NTM: variants seen among roughly 807,000 people sequenced by gnomAD.
NTM encodes neurotrimin.
NTM carries 13 observed loss-of-function variants against 42.1 expected under a neutral mutation model. The observed-to-expected ratio is 0.31, with a 90% CI of 0.20 to 0.49. The LOEUF is 0.49. Ranked by LOEUF, NTM falls within the 20% of genes least tolerant of loss-of-function variation. The pLI is 0.99. For missense variants in NTM, 373 were observed against 452.8 expected (o/e 0.82, Z 1.60); for synonymous variants, 187 against 179.2 (o/e 1.04, Z -0.35).
At chr11:131,601,706 T>A (rs1264828463) in intron 1 of NTM, among the ~76,000 whole-genome samples, 3 of 152,176 alleles carry the variant, frequency 2.0e-5, no homozygotes, top group African/African-American at 7.2e-5. Flanking sequence ...TGACTACAAG[T>A]TTCTCAAATT....
chr11:132,080,772 C>CT (rs2058938726), intron 2 of NTM, among the ~76,000 whole-genome samples: 1 of 152,016 alleles, frequency 6.6e-6, no homozygotes, highest in African/African-American at 2.4e-5. Flanking sequence ...GGATTTTAAT[C>CT]TAAAAAAAAC....
chr11:131,515,787 C>T (rs1437519725), intron 1 of NTM, among the ~76,000 whole-genome samples: 3 of 152,104 alleles, frequency 2.0e-5, no homozygotes, highest in Non-Finnish European at 2.9e-5. Context: ...AAATGAGAAA[C>T]GTTTCAGGGA....
chr11:132,296,255 C>T (rs2094604839), intron 4 of NTM, among the ~76,000 whole-genome samples: 1 of 152,120 alleles, frequency 6.6e-6, no homozygotes, highest in Non-Finnish European at 1.5e-5. Context: ...ATGTGGAGAT[C>T]ATGAGCACAG....
intron 1 of NTM, among the ~76,000 whole-genome samples, chr11:131,906,616 G>A (rs2053892092): frequency 1.3e-5 from 2 of 152,088 alleles, no homozygotes; most frequent in East Asian, 1.9e-4. Context: ...CCTGCCTTTC[G>A]CTGCGTCGGC....
chr11:131,509,557 T>C (rs1265027120), intron 1 of NTM, among the ~76,000 whole-genome samples: 1 of 152,206 alleles, frequency 6.6e-6, no homozygotes, highest in African/African-American at 2.4e-5. Context: ...AACTAGACCC[T>C]GTGAGAGACA....
At chr11:131,515,601 G>A (rs385987) in intron 1 of NTM, among the ~76,000 whole-genome samples, 67,102 of 152,048 alleles carry the variant, frequency 0.44, 15,632 homozygotes, top group African/African-American at 0.6. Context: ...TGTAAAGATC[G>A]TTTTCTGCTG....
At chr11:131,615,509 GCACC>G (rs1176351076) in intron 1 of NTM, among the ~76,000 whole-genome samples, 1 of 152,110 alleles carries the variant, frequency 6.6e-6, no homozygotes, top group Non-Finnish European at 1.5e-5. Context: ...GGGATTACAG[GCACC>G]CACCACAATG....
rs370461748 is a variant in NTM at position 131,503,764 on chromosome 11, C to A, written c.82+132876C>A. Among the ~76,000 whole-genome samples the A allele has an allele frequency of 3.3e-5, 5 of 152,132 alleles. No individual in the cohort carries two copies. The South Asian group carries it at 8.3e-4, about 25-fold the overall frequency. ...GGCTCAAGTGATCCTCCTTCCTTGG[C>A]CTCCTAAAGTGTTAGGACTACAGGT... On this transcript the variant is annotated intron_variant, in intron 1 of 8. Coordinates refer to ENST00000683400, the MANE Select transcript of NTM (RefSeq NM_001352005.2).
chr11:131,463,184 G>C (rs1023058648), intron 1 of NTM, among the ~76,000 whole-genome samples: 1 of 152,174 alleles, frequency 6.6e-6, no homozygotes, highest in African/African-American at 2.4e-5. Flanking sequence ...TTGCCCTCCT[G>C]TCCCATGGTG....
chr11:131,962,304 A>G (rs989913490), intron 2 of NTM, among the ~76,000 whole-genome samples: 8 of 152,230 alleles, frequency 5.3e-5, no homozygotes, highest in Non-Finnish European at 1.2e-4. Context: ...AGGCACAACC[A>G]AACACATTTC....
At chr11:132,231,052 TG>T (rs937115075) in intron 4 of NTM, among the ~76,000 whole-genome samples, 1 of 152,158 alleles carries the variant, frequency 6.6e-6, no homozygotes, top group African/African-American at 2.4e-5. Flanking sequence ...AGTGTCAGAG[TG>T]GTGACATCAC....
intron 1 of NTM, among the ~76,000 whole-genome samples, chr11:131,513,130 C>A (rs1353158665): frequency 6.6e-6 from 1 of 152,244 alleles, no homozygotes; most frequent in Non-Finnish European, 1.5e-5. Flanking sequence ...AGCTTCACAA[C>A]CTTCACTGTG....
At chr11:131,418,055 T>C (rs1228481944) in intron 1 of NTM, among the ~76,000 whole-genome samples, 1 of 152,188 alleles carries the variant, frequency 6.6e-6, no homozygotes, top group Non-Finnish European at 1.5e-5. Context: ...CATAGGATCA[T>C]AGAATTGTAG....
intron 1 of NTM, among the ~76,000 whole-genome samples, chr11:131,887,887 C>T (rs1413395154): frequency 6.6e-6 from 1 of 152,146 alleles, no homozygotes; most frequent in Non-Finnish European, 1.5e-5. Flanking sequence ...TTATTGTCAT[C>T]TTCAGTTTAC....
intron 2 of NTM, among the ~76,000 whole-genome samples, chr11:132,086,323 CAAAAAAA>C (rs71067358): frequency 1.0e-5 from 1 of 98,984 alleles, no homozygotes; most frequent in Non-Finnish European, 2.0e-5. Context: ...GACTCCATGT[CAAAAAAA>C]AAAAAAAAAA....
chr11:131,472,014 C>T lies in NTM; in HGVS notation c.82+101126C>T, dbSNP rs764261889. 8.7e-4 allele frequency among the ~76,000 whole-genome samples: 132 copies of T among 152,172 alleles called. 3 individuals are homozygous for T. Among genetic ancestry groups the T allele is most frequent in the Non-Finnish European group, 2.9e-4 (20 of 68,036 alleles). Reference sequence around the variant, plus strand: ...TCCAACCAGCCTCCTGAAACCAAGACGTTTCAATTAACAGGAGGCACTTCA... The same window carrying T: ...TCCAACCAGCCTCCTGAAACCAAGATGTTTCAATTAACAGGAGGCACTTCA... On this transcript the variant is annotated intron_variant, in intron 1 of 8. Transcript: ENST00000683400.
chr11:132,196,635 T>C (rs2080263349), intron 3 of NTM, among the ~76,000 whole-genome samples: 1 of 152,196 alleles, frequency 6.6e-6, no homozygotes, highest in Admixed American at 6.5e-5. Context: ...TCATGTTCTT[T>C]CCAGTAGCAT....
At chr11:132,061,857 A>AG (rs1413685876) in intron 2 of NTM, among the ~76,000 whole-genome samples, 4 of 152,054 alleles carry the variant, frequency 2.6e-5, no homozygotes, top group African/African-American at 4.8e-5. Flanking sequence ...CATTTTTTAA[A>AG]GATTTTTTTA....
intron 1 of NTM, among the ~76,000 whole-genome samples, chr11:131,518,182 G>C (rs529922021): frequency 6.6e-6 from 1 of 152,214 alleles, no homozygotes; most frequent in Non-Finnish European, 1.5e-5. Flanking sequence ...TCCTGTCCTA[G>C]TGGAGCTTAT....
Sources: gnomAD v4.1 joint callset for allele counts (sites outside exome capture counted in the v4.1 genomes callset) on GRCh38, gnomAD v4.1.1 for gene constraint, MANE v1.5 for transcripts, NCBI Gene and HGNC (gene_info 2026-07-23, HGNC 2026-07-21) for gene names.